The following UBR1 variants were observed in gnomAD, a reference collection of about 807,000 sequenced individuals.
UBR1 encodes the protein ubiquitin protein ligase E3 component n-recognin 1.
UBR1 carries 102 observed loss-of-function variants against 242.1 expected under a neutral mutation model. That is an observed-to-expected ratio of 0.42 (90% confidence interval 0.36 to 0.50). The LOEUF (loss-of-function observed/expected upper bound fraction) is 0.50, where lower values mean the gene tolerates loss of function less well. Among genes scored for constraint, UBR1 ranks in the 20% least tolerant of loss-of-function variants. The probability of loss-of-function intolerance (pLI) is 0.01; values close to 1 mark genes in which losing one functional copy is unlikely to be tolerated. For missense variants in UBR1, 1,772 were observed against 2,101.8 expected (o/e 0.84, Z 3.07); for synonymous variants, 675 against 684.8 (o/e 0.99, Z 0.22).
chr15:42,954,293 C>A (rs998253242), intron 44 of UBR1, among the ~76,000 whole-genome samples: 2 of 152,102 alleles, frequency 1.3e-5, no homozygotes, highest in African/African-American at 4.8e-5. Flanking sequence ...TGGATGCAAT[C>A]TTTGAAACTA....
intron 29 of UBR1, chr15:43,011,899 A>G (rs2032927907): frequency 4.4e-6 from 2 of 453,256 alleles, no homozygotes; most frequent in Non-Finnish European, 8.8e-6. Context: ...CACATCAGAG[A>G]CCACTATGCA....
At chr15:42,986,418 T>C (rs1026492440) in intron 35 of UBR1, among the ~76,000 whole-genome samples, 1 of 152,212 alleles carries the variant, frequency 6.6e-6, no homozygotes, top group Non-Finnish European at 1.5e-5. Context: ...ATTTCCTATC[T>C]CCTTTATAAC....
At chr15:43,102,195 A>G (rs1002678059) in intron 1 of UBR1, among the ~76,000 whole-genome samples, 2 of 152,146 alleles carry the variant, frequency 1.3e-5, no homozygotes, top group Admixed American at 1.3e-4. Context: ...TGCCTAATCT[A>G]TCAGCAAGTC....
intron 30 of UBR1, among the ~76,000 whole-genome samples, chr15:43,004,986 C>T (rs549753464): frequency 6.6e-6 from 1 of 150,978 alleles, no homozygotes; most frequent in South Asian, 2.1e-4. Context: ...ACCTCTGCCA[C>T]GCCGCCCCAT....
At chr15:43,014,432 G>A (rs551049186) in intron 29 of UBR1, among the ~76,000 whole-genome samples, 27 of 152,164 alleles carry the variant, frequency 1.8e-4, no homozygotes, top group Non-Finnish European at 3.2e-4. Context: ...CATCTAGGAA[G>A]TGAGGAGCGC....
At chr15:43,015,545 CT>C in intron 29 of UBR1, 142 bp downstream of exon 29, 1 of 924,918 alleles carries the variant, frequency 1.1e-6, no homozygotes, top group Non-Finnish European at 1.7e-6. Flanking sequence ...AACCAAAGAC[CT>C]TTGTTCACTT....
At chr15:43,015,364 A>G (rs1185715798) in intron 29 of UBR1, among the ~76,000 whole-genome samples, 1 of 151,922 alleles carries the variant, frequency 6.6e-6, no homozygotes, top group Non-Finnish European at 1.5e-5. Context: ...TGCTCTCTGA[A>G]ACATGTGCTG....
intron 42 of UBR1, among the ~76,000 whole-genome samples, chr15:42,962,312 C>T (rs1305387345): frequency 6.6e-6 from 1 of 152,120 alleles, no homozygotes; most frequent in Non-Finnish European, 1.5e-5. Flanking sequence ...GATCACCACT[C>T]CCCTAGGCTG....
intron 43 of UBR1, among the ~76,000 whole-genome samples, chr15:42,959,433 T>C (rs556558048): frequency 1.3e-5 from 2 of 152,296 alleles, no homozygotes; most frequent in African/African-American, 4.8e-5. Flanking sequence ...AATCTTTTCC[T>C]CTTTAAATTT....
chr15:42,995,362 T>C (rs553292186), intron 33 of UBR1, among the ~76,000 whole-genome samples: 95 of 152,090 alleles, frequency 6.2e-4, no homozygotes, highest in African/African-American at 2.2e-3. Flanking sequence ...TCTCGGTGCT[T>C]AAAACAAGTA....
At chr15:43,015,898 T>C in intron 28 of UBR1, 29 bp from the exon 29 acceptor site, 1 of 1,603,412 alleles carries the variant, frequency 6.2e-7, no homozygotes, top group South Asian at 1.1e-5. Context: ...CAAATTTAGG[T>C]AAGATCCACT....
At chr15:43,053,036 C>A (rs946578687) in intron 12 of UBR1, among the ~76,000 whole-genome samples, 3 of 152,178 alleles carry the variant, frequency 2.0e-5, no homozygotes, top group Non-Finnish European at 4.4e-5. Context: ...AGCTCCTTGG[C>A]ACATAGCAGT....
At chr15:43,057,970 C>A (rs1290580884) in intron 10 of UBR1, among the ~76,000 whole-genome samples, 1 of 150,778 alleles carries the variant, frequency 6.6e-6, no homozygotes, top group Non-Finnish European at 1.5e-5. Flanking sequence ...AGGGCAGTGG[C>A]GCGATCTTGG....
chr15:43,049,828 T>C (rs2033531950), intron 12 of UBR1, among the ~76,000 whole-genome samples: 2 of 152,230 alleles, frequency 1.3e-5, no homozygotes, highest in Admixed American at 1.3e-4. Flanking sequence ...TCATGTTTTG[T>C]TGCTTTCTAG....
chr15:42,955,728 C>T (rs2031908193), intron 44 of UBR1, among the ~76,000 whole-genome samples: 1 of 152,168 alleles, frequency 6.6e-6, no homozygotes, highest in East Asian at 1.9e-4. Flanking sequence ...TATAATTCCT[C>T]CATTCAGTGA....
intron 27 of UBR1, 148 bp from the exon 28 acceptor site, chr15:43,017,329 T>A: frequency 1.5e-6 from 1 of 657,150 alleles, no homozygotes; most frequent in Non-Finnish European, 2.7e-6. Flanking sequence ...AAAGTGACTC[T>A]GACTGTGACA....
chr15:43,051,210 G>T (rs1188981774), intron 12 of UBR1, among the ~76,000 whole-genome samples: 1 of 152,136 alleles, frequency 6.6e-6, no homozygotes, highest in Non-Finnish European at 1.5e-5. Context: ...AAGAAAATTT[G>T]GTACATATAC....
chr15:43,027,627 G>A, intron 22 of UBR1, 149 bp downstream of exon 22: 2 of 658,152 alleles, frequency 3.0e-6, no homozygotes, highest in Non-Finnish European at 5.2e-6. Context: ...TGTCTACTGT[G>A]AGCCCCTCAT....
chr15:42,979,699 T>TG, intron 37 of UBR1, among the ~76,000 whole-genome samples: 1 of 152,228 alleles, frequency 6.6e-6, no homozygotes, highest in East Asian at 1.9e-4. Flanking sequence ...TACAGGCACC[T>TG]GCCACAATGC....
Sources: gnomAD v4.1 joint callset for allele counts (sites outside exome capture counted in the v4.1 genomes callset) on GRCh38, gnomAD v4.1.1 for gene constraint, MANE v1.5 for transcripts, NCBI Gene and HGNC (gene_info 2026-07-23, HGNC 2026-07-21) for gene names.